Variants in ZNF136 observed in about 807,000 individuals in gnomAD.
ZNF136 encodes the protein zinc finger protein 136 (clone pHZ-20).
ZNF136 carries 8 observed loss-of-function variants against 11.4 expected under a neutral mutation model. That is an observed-to-expected ratio of 0.70 (90% CI 0.41 to 1.27). The LOEUF (loss-of-function observed/expected upper bound fraction) is 1.27. Among genes scored for constraint, ZNF136 ranks in the 50% most tolerant of loss-of-function variants. ZNF136 has a pLI of 0.01. For synonymous variants in ZNF136, 190 were observed against 207.1 expected, an observed-to-expected ratio of 0.92 and a Z score of 0.71; for missense variants, 590 against 656.5, an observed-to-expected ratio of 0.90 and a Z score of 1.11.
chr19:12,164,311 G>A (rs1285842804), intron 1 of ZNF136, among the ~76,000 whole-genome samples: 1 of 152,056 alleles, frequency 6.6e-6, no homozygotes, highest in East Asian at 1.9e-4. Context: ...TCGCTCTGTC[G>A]CCTAGGCTGG....
intron 1 of ZNF136, among the ~76,000 whole-genome samples, chr19:12,175,368 T>C (rs1914765113): frequency 6.6e-6 from 1 of 152,116 alleles, no homozygotes; most frequent in South Asian, 2.1e-4. Flanking sequence ...CTAATTTTTG[T>C]ATTTTTAGTA....
intron 1 of ZNF136, chr19:12,185,549 C>G (rs536234231): frequency 2.4e-6 from 1 of 420,328 alleles, no homozygotes; most frequent in Non-Finnish European, 4.2e-6. Context: ...TCAGGCAGCA[C>G]GTATTACTCC....
intron 1 of ZNF136, among the ~76,000 whole-genome samples, chr19:12,177,403 C>T (rs925910368): frequency 2.6e-5 from 4 of 152,198 alleles, no homozygotes; most frequent in African/African-American, 9.7e-5. Flanking sequence ...AGTGCAGTGG[C>T]GCGATCTCGG....
At chr19:12,183,569 A>G (rs1215221097) in intron 1 of ZNF136, among the ~76,000 whole-genome samples, 3 of 151,132 alleles carry the variant, frequency 2.0e-5, no homozygotes, top group African/African-American at 7.3e-5. Flanking sequence ...CTATCTATCT[A>G]TCTATCTATC....
rs752204399 is a variant in ZNF136 at position 12,187,215 on chromosome 19, C to A, written c.837C>A (p.Pro279=). The A allele has an allele frequency of 1.8e-5, 29 of 1,612,604 alleles. No homozygotes were observed. In the South Asian group the frequency reaches 3.1e-4, roughly 17 times the overall value. The change falls in exon 4 of 4, where the codon CCC becomes CCA. Residue 279 remains proline, a synonymous_variant. Transcript: ENST00000343979. ...AAAGAATTCACACTGGAGAAAAACCCTTTAAATGTAAGCAATGTGGTAAAG... is the reference window on the plus strand; with the variant it reads ...AAAGAATTCACACTGGAGAAAAACCATTTAAATGTAAGCAATGTGGTAAAG... ...VHERIHTGEK[P]FKCKQCGKAF...
intron 1 of ZNF136, among the ~76,000 whole-genome samples, chr19:12,163,985 C>T (rs1297887743): frequency 1.3e-5 from 2 of 152,018 alleles, no homozygotes; most frequent in Non-Finnish European, 2.9e-5. Context: ...TTTATTTTTT[C>T]CTGGTTCTGG....
rs779530261 is a variant in ZNF136, at chr19:12,188,774, A to G, written c.*773A>G. ...GGAGTTTGAGACCAGTGTGCAAAAC[A>G]TAGCAAGACCTCATCTCAGAAAAAA... On this transcript the variant is annotated 3_prime_UTR_variant, in exon 4 of 4. Coordinates refer to ENST00000343979, the MANE Select transcript of ZNF136 (RefSeq NM_003437.5). 1 of 152,002 alleles carries G rather than the reference A, an allele frequency of 6.6e-6. No homozygotes were observed. The highest frequency in any genetic ancestry group is 6.6e-5 in the Admixed American group (1 of 15,230). The allele number at this position is 152,002 out of a possible 1,614,324, so 9.4% of individuals were successfully genotyped here. A position where few individuals can be genotyped will look rare whatever the true frequency, so the allele number is the denominator to read the frequency against.
At chr19:12,170,252 C>A (rs920206912) in intron 1 of ZNF136, among the ~76,000 whole-genome samples, 1 of 152,110 alleles carries the variant, frequency 6.6e-6, no homozygotes, top group Non-Finnish European at 1.5e-5. Context: ...TGCCTCAGTC[C>A]GTTGCACACA....
At chr19:12,186,371 A>T (rs1401243845) in intron 3 of ZNF136, among the ~76,000 whole-genome samples, 197 bp downstream of exon 3, 1 of 152,220 alleles carries the variant, frequency 6.6e-6, no homozygotes, top group Non-Finnish European at 1.5e-5. Flanking sequence ...CAGAATTAAG[A>T]AACTATTTAA....
chr19:12,187,781 T>C lies in ZNF136; in HGVS notation c.1403T>C (p.Met468Thr). The part of the protein sequence containing the change: ...SYLNSFRTHE[M>T]IHTGEKPFEC... The stretch of plus-strand genomic sequence containing the variant: ...CTCAACTCCTTTCGAACACATGAAA[T>C]GATTCACACTGGTGAGAAACCCTTT... Residue 468 changes from methionine (M) to threonine (T), a missense_variant, in exon 4 of 4, where the codon ATG becomes ACG. Physicochemically the swap from Met to Thr is moderately conservative, Grantham distance 81 (BLOSUM62 -1). Coordinates refer to ENST00000343979, the MANE Select transcript of ZNF136 (RefSeq NM_003437.5). 1 of 1,609,768 alleles carries C rather than the reference T, an allele frequency of 6.2e-7. No individual in the cohort carries two copies. Among genetic ancestry groups the C allele is most frequent in the Non-Finnish European group, 8.5e-7 (1 of 1,178,588 alleles).
chr19:12,173,597 G>A (rs1568399484), intron 1 of ZNF136, among the ~76,000 whole-genome samples: 1 of 152,144 alleles, frequency 6.6e-6, no homozygotes, highest in East Asian at 1.9e-4. Flanking sequence ...TTCTCCACCT[G>A]GCTGTTTATT....
At chr19:12,185,630 G>A in intron 1 of ZNF136, 155 bp from the exon 2 acceptor site, 1 of 876,254 alleles carries the variant, frequency 1.1e-6, no homozygotes. Context: ...TCTAGTATGA[G>A]AGTTGCTGTG....
At chr19:12,181,335 G>C (rs1035595038) in intron 1 of ZNF136, among the ~76,000 whole-genome samples, 10 of 152,112 alleles carry the variant, frequency 6.6e-5, no homozygotes, top group African/African-American at 2.2e-4. Context: ...ATCCACCCCC[G>C]GCCTAACTCT....
At chr19:12,186,000 G>A in intron 2 of ZNF136, 89 bp downstream of exon 2, 1 of 1,599,644 alleles carries the variant, frequency 6.3e-7, no homozygotes, top group Non-Finnish European at 8.5e-7. Context: ...ATCATGGAGG[G>A]AGAGTACTTG....
At chr19:12,174,062 C>T (rs1386357471) in intron 1 of ZNF136, among the ~76,000 whole-genome samples, 1 of 152,172 alleles carries the variant, frequency 6.6e-6, no homozygotes, top group African/African-American at 2.4e-5. Flanking sequence ...TGCACTACCA[C>T]ACCTGGCTAC....
chr19:12,163,226 C>A lies in ZNF136; in HGVS notation c.3+20C>A, dbSNP rs528572104. ...GAAATGGTGAGTGTGTCGGGCCCTG[C>A]GTCCCGAGACAGGGAGGAGGGGCTG... On this transcript the variant is annotated intron_variant, in intron 1 of 3. Transcript: ENST00000343979. 2.2e-6 allele frequency: 3 copies of A among 1,378,236 alleles called. No homozygotes were observed. Among genetic ancestry groups the A allele is most frequent in the Non-Finnish European group, 2.8e-6 (3 of 1,055,974 alleles). The allele number at this position is 1,378,236 out of a possible 1,614,324, so 85.4% of individuals were successfully genotyped here.
rs1320128824 is a variant in ZNF136, at chr19:12,189,008, A to G, written c.*1007A>G. ...TTCAAATGCTTAATCTCACAAAGAA[A>G]TGTTAAATTGATATAATCCTGTAAG... On this transcript the variant is annotated 3_prime_UTR_variant, in exon 4 of 4. Coordinates refer to ENST00000343979, the MANE Select transcript of ZNF136 (RefSeq NM_003437.5). 5.3e-5 allele frequency: 8 copies of G among 152,224 alleles called. No homozygotes were observed. The highest frequency in any genetic ancestry group is 1.3e-4 in the Admixed American group (2 of 15,282). The allele number at this position is 152,224 out of a possible 1,614,324, so 9.4% of individuals were successfully genotyped here.
At chr19:12,186,358 C>T (rs1915082885) in intron 3 of ZNF136, among the ~76,000 whole-genome samples, 184 bp downstream of exon 3, 1 of 152,094 alleles carries the variant, frequency 6.6e-6, no homozygotes. Flanking sequence ...GTTCATTTGT[C>T]AACAGAATTA....
At chr19:12,186,540 C>A in intron 3 of ZNF136, 30 bp from the exon 4 acceptor site, 1 of 1,515,128 alleles carries the variant, frequency 6.6e-7, no homozygotes, top group Admixed American at 2.0e-5. Context: ...ATTAACAAAT[C>A]CTTAGTAATG....
Sources: allele counts gnomAD v4.1 joint callset (sites outside exome capture counted in the v4.1 genomes callset), GRCh38; gene constraint gnomAD v4.1.1; transcripts MANE v1.5; gene names NCBI Gene and HGNC (gene_info 2026-07-23, HGNC 2026-07-21).